ASIC2: variants seen among roughly 807,000 people sequenced by gnomAD.
The protein encoded by ASIC2 is acid sensing ion channel subunit 2.
A neutral mutation model predicts 57.3 loss-of-function variants in ASIC2; 25 were observed. That is an observed-to-expected ratio of 0.44 (90% CI 0.32 to 0.61). The LOEUF (loss-of-function observed/expected upper bound fraction) is 0.61. Ranked by LOEUF, ASIC2 falls within the 20% of genes least tolerant of loss-of-function variation. The pLI, the probability that ASIC2 is intolerant of heterozygous loss-of-function variation, is 0.06. For missense variants in ASIC2, 641 were observed against 738.1 expected, an observed-to-expected ratio of 0.87 and a Z score of 1.52; for synonymous variants, 319 against 307.5, an observed-to-expected ratio of 1.04 and a Z score of -0.39.
chr17:34,125,971 C>A (rs959447667), intron 1 of ASIC2, among the ~76,000 whole-genome samples: 1 of 152,222 alleles, frequency 6.6e-6, no homozygotes, highest in Non-Finnish European at 1.5e-5. Flanking sequence ...GGCTATCCCA[C>A]ATGTCACAGC....
At chr17:33,433,095 G>A (rs970146173) in intron 1 of ASIC2, among the ~76,000 whole-genome samples, 3 of 152,174 alleles carry the variant, frequency 2.0e-5, no homozygotes, top group Non-Finnish European at 4.4e-5. Context: ...ATAAAGACAT[G>A]CACATGTATG....
rs575088344 is a variant in ASIC2 at position 33,929,503 on chromosome 17, A to T, written c.555+226475T>A. Among the ~76,000 whole-genome samples, 6 of 152,336 alleles carry T rather than the reference A, an allele frequency of 3.9e-5. No homozygotes were observed. The East Asian group carries it at 1.2e-3, about 29-fold the overall frequency. ...TCATCACCTTCTGGGGCTCTGAAGC[A>T]TTTCAGAGTATACAGGCTTCCCTGC... On this transcript the variant is annotated intron_variant, in intron 1 of 9. Coordinates refer to the ASIC2 transcript ENST00000359872.
At chr17:33,761,771 C>G (rs1219096527) in intron 1 of ASIC2, among the ~76,000 whole-genome samples, 1 of 152,064 alleles carries the variant, frequency 6.6e-6, no homozygotes. Context: ...CTATTTCCCT[C>G]CCACCCTACA....
chr17:34,103,221 A>T lies in ASIC2; in HGVS notation c.555+52757T>A, dbSNP rs143418221. Among the ~76,000 whole-genome samples the T allele has an allele frequency of 7.9e-5, 12 of 152,262 alleles. 1 individual carries two copies. Among genetic ancestry groups the T allele is most frequent in the Middle Eastern group, 3.4e-3 (1 of 294 alleles). On this transcript the variant is annotated intron_variant, in intron 1 of 9. Coordinates refer to the ASIC2 transcript ENST00000359872. ...AATGCCGTGGCACTATCATGCCTCAACGTAGCCTCAATCTCCCAGGCTTGA... is the reference window on the plus strand; with the variant it reads ...AATGCCGTGGCACTATCATGCCTCATCGTAGCCTCAATCTCCCAGGCTTGA...
intron 1 of ASIC2, among the ~76,000 whole-genome samples, chr17:33,575,880 C>T (rs1320698311): frequency 6.6e-6 from 1 of 152,130 alleles, no homozygotes; most frequent in African/African-American, 2.4e-5. Flanking sequence ...AAACGCCCCA[C>T]AGCTAATGGC....
intron 1 of ASIC2, among the ~76,000 whole-genome samples, chr17:34,114,161 G>A (rs1325750045): frequency 1.3e-5 from 2 of 152,180 alleles, no homozygotes; most frequent in Non-Finnish European, 2.9e-5. Context: ...AGATCAAGAA[G>A]AAATTGGCAG....
intron 1 of ASIC2, among the ~76,000 whole-genome samples, chr17:33,254,915 C>T (rs1909007551): frequency 6.6e-6 from 1 of 151,524 alleles, no homozygotes; most frequent in Admixed American, 6.6e-5. Flanking sequence ...GTGGTTACCA[C>T]TGGTTGGGGA....
chr17:33,388,423 T>C (rs1284316351), intron 1 of ASIC2, among the ~76,000 whole-genome samples: 1 of 152,232 alleles, frequency 6.6e-6, no homozygotes, highest in Non-Finnish European at 1.5e-5. Context: ...TTTTCACCTT[T>C]GTAGAAAAGG....
intron 1 of ASIC2, chr17:33,931,202 G>A (rs1915924344): frequency 6.6e-6 from 1 of 152,202 alleles, no homozygotes; most frequent in South Asian, 2.1e-4. Flanking sequence ...AGCTCCCCGA[G>A]CGAGCAATTC....
At chr17:33,386,005 A>C (rs1195206257) in intron 1 of ASIC2, among the ~76,000 whole-genome samples, 1 of 152,236 alleles carries the variant, frequency 6.6e-6, no homozygotes. Flanking sequence ...CTACCTTGGC[A>C]GTTGTCTGTT....
At chr17:33,159,247 T>A (rs1390948391) in intron 1 of ASIC2, among the ~76,000 whole-genome samples, 1 of 152,240 alleles carries the variant, frequency 6.6e-6, no homozygotes, top group Non-Finnish European at 1.5e-5. Context: ...ATGTATGCAT[T>A]GCACTTCAAC....
rs778626225 is a variant in ASIC2, at chr17:33,438,742, C to A, written c.556-326675G>T. Among the ~76,000 whole-genome samples, 5 of 151,736 alleles carry A rather than the reference C, an allele frequency of 3.3e-5. No individual in the cohort carries two copies. The East Asian group carries it at 9.7e-4, about 29-fold the overall frequency. On this transcript the variant is annotated intron_variant, in intron 1 of 9. Coordinates refer to the ASIC2 transcript ENST00000359872. ...TACTCATTTTCCCAGGCTCCTTTGT[C>A]GTTAGAGAGCAGGCACATGAGGCAC...
chr17:33,391,401 T>A (rs1909883935), intron 1 of ASIC2, among the ~76,000 whole-genome samples: 1 of 152,248 alleles, frequency 6.6e-6, no homozygotes, highest in Admixed American at 6.5e-5. Context: ...CATTCAATCA[T>A]GAGTTACTTT....
At chr17:33,703,500 A>G (rs533873312) in intron 1 of ASIC2, among the ~76,000 whole-genome samples, 1 of 152,018 alleles carries the variant, frequency 6.6e-6, no homozygotes, top group African/African-American at 2.4e-5. Flanking sequence ...CTACAGGCAC[A>G]AGCCACCATG....
intron 1 of ASIC2, among the ~76,000 whole-genome samples, chr17:33,898,833 A>G (rs1915166872): frequency 6.6e-6 from 1 of 152,088 alleles, no homozygotes; most frequent in African/African-American, 2.4e-5. Flanking sequence ...TTTTGCCCCA[A>G]TTCTAAATGA....
At chr17:34,044,911 C>T (rs79505221) in intron 1 of ASIC2, among the ~76,000 whole-genome samples, 4,244 of 152,244 alleles carry the variant, frequency 0.028, 202 homozygotes, top group African/African-American at 0.097. Flanking sequence ...ATTTATTCAG[C>T]GTCTTCTCTG....
intron 1 of ASIC2, among the ~76,000 whole-genome samples, chr17:33,971,489 G>A (rs781041339): frequency 2.0e-5 from 3 of 152,158 alleles, no homozygotes; most frequent in Non-Finnish European, 2.9e-5. Context: ...GTGACAGTTT[G>A]TGAATCCCTG....
rs57533251 is a variant in ASIC2 at position 33,610,054 on chromosome 17, G to GCACACACACACACACACACA, written c.556-498007_556-497988dup. Among the ~76,000 whole-genome samples the GCACACACACACACACACACA allele has an allele frequency of 4.1e-5, 6 of 144,736 alleles. 1 individual carries two copies. The South Asian group carries it at 1.1e-3, about 27-fold the overall frequency. The allele number at this position is 144,736 out of a possible 152,430, so 95.0% of individuals were successfully genotyped here. On this transcript the variant is annotated intron_variant, in intron 1 of 9. Coordinates refer to the ASIC2 transcript ENST00000359872. The stretch of plus-strand genomic sequence containing the variant: ...CTTCACTGGGACCCTGGACAGAGGC[G>GCACACACACACACACACACA]CACACACACACACACACACACACAC...
intron 1 of ASIC2, among the ~76,000 whole-genome samples, chr17:33,411,792 G>C (rs963511493): frequency 1.2e-4 from 19 of 152,212 alleles, no homozygotes; most frequent in African/African-American, 4.6e-4. Context: ...GCCAGACCAT[G>C]ATGAGTCTCA....
Sources: allele counts gnomAD v4.1 joint callset (sites outside exome capture counted in the v4.1 genomes callset), GRCh38; gene constraint gnomAD v4.1.1; transcripts MANE v1.5; gene names NCBI Gene and HGNC (gene_info 2026-07-23, HGNC 2026-07-21).